The following SGCZ variants were observed in gnomAD, a reference collection of about 807,000 sequenced individuals.
SGCZ encodes the protein zeta-sarcoglycan.
A neutral mutation model predicts 41.3 loss-of-function variants in SGCZ; 40 were observed. The observed-to-expected ratio is 0.97, with a 90% CI of 0.75 to 1.26. SGCZ has a LOEUF of 1.26. SGCZ is among the 50% of genes most tolerant of loss of function. The pLI, the probability that SGCZ is intolerant of heterozygous loss-of-function variation, is 0.00. For missense variants in SGCZ, 552 were observed against 369.8 expected (o/e 1.49, Z -4.04); for synonymous variants, 206 against 137.5 (o/e 1.50, Z -3.49).
At chr8:14,570,150 G>A (rs373248011) in intron 1 of SGCZ, among the ~76,000 whole-genome samples, 6 of 152,150 alleles carry the variant, frequency 3.9e-5, no homozygotes, top group African/African-American at 1.4e-4. Flanking sequence ...CGGGACTTTG[G>A]GGTTGTTTAC....
intron 1 of SGCZ, among the ~76,000 whole-genome samples, chr8:15,200,135 T>A (rs1238487980): frequency 6.6e-6 from 1 of 152,204 alleles, no homozygotes; most frequent in Non-Finnish European, 1.5e-5. Flanking sequence ...GTAAACCATC[T>A]GGGTATGTGT....
chr8:14,802,880 C>A (rs1282788276), intron 1 of SGCZ, among the ~76,000 whole-genome samples: 1 of 152,124 alleles, frequency 6.6e-6, no homozygotes, highest in East Asian at 1.9e-4. Flanking sequence ...ACTCACAGCC[C>A]ACCTGCACTG....
At chr8:14,132,009 G>A (rs1803055990) in intron 5 of SGCZ, among the ~76,000 whole-genome samples, 1 of 152,088 alleles carries the variant, frequency 6.6e-6, no homozygotes, top group Non-Finnish European at 1.5e-5. Flanking sequence ...TTCTCAGGAT[G>A]CATGCCTGTT....
intron 1 of SGCZ, among the ~76,000 whole-genome samples, chr8:14,673,803 C>T (rs1462141837): frequency 1.3e-5 from 2 of 152,050 alleles, no homozygotes; most frequent in African/African-American, 2.4e-5. Context: ...GATGTAGATG[C>T]TACTCAATTA....
Position 14,184,082 on chromosome 8 carries a change from C to G in SGCZ, c.425-19380G>C, listed in dbSNP as rs73217586. ...TGCACAACAGAATTACAGGTAAAAC[C>G]ATCATCATTTTCATATAATGTAAAT... On this transcript the variant is annotated intron_variant, in intron 4 of 7. Transcript: ENST00000382080. Among the ~76,000 whole-genome samples, 262 of 152,212 alleles carry G rather than the reference C, an allele frequency of 1.7e-3. 1 individual carries two copies. Among genetic ancestry groups the G allele is most frequent in the South Asian group, 4.6e-3 (22 of 4,830 alleles).
At chr8:14,552,904 G>C (rs1406832558) in intron 2 of SGCZ, among the ~76,000 whole-genome samples, 2 of 152,090 alleles carry the variant, frequency 1.3e-5, no homozygotes, top group African/African-American at 4.8e-5. Flanking sequence ...TCCCTGAAGT[G>C]AGAGAGCTTG....
At chr8:14,484,540 C>A (rs1801621523) in intron 2 of SGCZ, among the ~76,000 whole-genome samples, 1 of 151,990 alleles carries the variant, frequency 6.6e-6, no homozygotes, top group Admixed American at 6.6e-5. Context: ...ACACATAGAA[C>A]AAATGTTACA....
rs142316430 is a variant in SGCZ at position 14,251,242 on chromosome 8, C to T, written c.337-13563G>A. ...GACTCTATCTCAAAAAAAATGAAAA[C>T]AAATACAAACAAAAACGAAAGACAT... On this transcript the variant is annotated intron_variant, in intron 3 of 7. Transcript: ENST00000382080. 8.7e-3 allele frequency among the ~76,000 whole-genome samples: 1,326 copies of T among 152,100 alleles called. 13 individuals carry two copies. Among genetic ancestry groups the T allele is most frequent in the Non-Finnish European group, 0.014 (927 of 67,970 alleles).
At chr8:14,589,728 T>A (rs879506751) in intron 1 of SGCZ, among the ~76,000 whole-genome samples, 10 of 152,160 alleles carry the variant, frequency 6.6e-5, no homozygotes, top group Non-Finnish European at 1.3e-4. Flanking sequence ...CTTAAGAAAT[T>A]ACAGTAAAAG....
intron 1 of SGCZ, among the ~76,000 whole-genome samples, chr8:14,586,513 CAAAATATG>C: frequency 6.6e-6 from 1 of 152,016 alleles, no homozygotes; most frequent in Non-Finnish European, 1.5e-5. Context: ...ACGCCCAGCG[CAAAATATG>C]CTTTCATTTA....
chr8:14,768,427 G>A (rs1311690860), intron 1 of SGCZ, among the ~76,000 whole-genome samples: 1 of 152,102 alleles, frequency 6.6e-6, no homozygotes, highest in Non-Finnish European at 1.5e-5. Flanking sequence ...TAACACTGAA[G>A]AATGACTTAA....
intron 1 of SGCZ, among the ~76,000 whole-genome samples, chr8:15,037,686 C>A (rs1803921295): frequency 6.6e-6 from 1 of 152,096 alleles, no homozygotes; most frequent in African/African-American, 2.4e-5. Flanking sequence ...GTTAAACTGT[C>A]CCTGTTTGAA....
intron 2 of SGCZ, among the ~76,000 whole-genome samples, chr8:14,473,312 G>C (rs1161695472): frequency 6.6e-6 from 1 of 152,016 alleles, no homozygotes; most frequent in Non-Finnish European, 1.5e-5. Flanking sequence ...AGATTATTAA[G>C]AATAAGAAAA....
intron 1 of SGCZ, among the ~76,000 whole-genome samples, chr8:14,862,942 G>A (rs958916886): frequency 3.9e-5 from 6 of 152,078 alleles, no homozygotes; most frequent in African/African-American, 1.4e-4. Context: ...TTACAGAGAA[G>A]ATATGCTTCA....
At chr8:14,550,460 G>T (rs137952353) in intron 2 of SGCZ, among the ~76,000 whole-genome samples, 1 of 151,710 alleles carries the variant, frequency 6.6e-6, no homozygotes, top group African/African-American at 2.4e-5. Context: ...ACAAGATATT[G>T]GTAAAGTTTG....
intron 1 of SGCZ, among the ~76,000 whole-genome samples, chr8:14,587,753 A>C (rs1805107720): frequency 6.6e-6 from 1 of 152,210 alleles, no homozygotes; most frequent in African/African-American, 2.4e-5. Flanking sequence ...TACTAAGTGT[A>C]ATTCATAAAT....
intron 1 of SGCZ, among the ~76,000 whole-genome samples, chr8:14,750,847 G>A (rs1458008380): frequency 6.6e-6 from 1 of 152,154 alleles, no homozygotes; most frequent in African/African-American, 2.4e-5. Context: ...TCAGGTTTGT[G>A]ATTTGGTAAC....
At chr8:15,202,516 G>A (rs1800920179) in intron 1 of SGCZ, among the ~76,000 whole-genome samples, 1 of 152,114 alleles carries the variant, frequency 6.6e-6, no homozygotes, top group African/African-American at 2.4e-5. Context: ...TGGGAGGTGG[G>A]TGAGGGATAA....
intron 2 of SGCZ, among the ~76,000 whole-genome samples, chr8:14,528,653 C>G (rs1457384525): frequency 6.6e-6 from 1 of 151,852 alleles, no homozygotes. Flanking sequence ...GAATCAACTT[C>G]CATTAATCAC....
Sources: gnomAD v4.1 joint callset for allele counts (sites outside exome capture counted in the v4.1 genomes callset) on GRCh38, gnomAD v4.1.1 for gene constraint, MANE v1.5 for transcripts, NCBI Gene and HGNC (gene_info 2026-07-23, HGNC 2026-07-21) for gene names.